SNTG1: variants seen among roughly 807,000 people sequenced by gnomAD.
SNTG1 encodes the protein gamma-1-syntrophin.
Under a neutral mutation model 74.7 loss-of-function variants are expected in SNTG1, and 39 were observed. The ratio of observed to expected loss-of-function variants is 0.52; its 90% CI spans 0.40 to 0.68. SNTG1 has a LOEUF of 0.68. Among genes scored for constraint, SNTG1 ranks in the 30% least tolerant of loss-of-function variants. The pLI is 0.00. For missense variants in SNTG1, 685 were observed against 609.5 expected (o/e 1.12, Z -1.30); for synonymous variants, 254 against 217.1 (o/e 1.17, Z -1.49).
At chr8:50,161,214 G>A (rs2082405837) in intron 1 of SNTG1, among the ~76,000 whole-genome samples, 1 of 152,154 alleles carries the variant, frequency 6.6e-6, no homozygotes, top group South Asian at 2.1e-4. Context: ...TTCAGCAGCA[G>A]CGCATAGAAC....
chr8:50,375,379 G>A (rs1260583466), intron 2 of SNTG1, among the ~76,000 whole-genome samples: 2 of 151,914 alleles, frequency 1.3e-5, no homozygotes, highest in Admixed American at 6.6e-5. Context: ...AGAGCCAAGA[G>A]TTTGTACATG....
intron 12 of SNTG1, among the ~76,000 whole-genome samples, chr8:50,572,378 C>T (rs938750487): frequency 6.6e-6 from 1 of 151,796 alleles, no homozygotes; most frequent in Admixed American, 6.6e-5. Flanking sequence ...TAAGTGATTG[C>T]GACCTACTTT....
chr8:50,339,983 A>T (rs1000268821), intron 2 of SNTG1, among the ~76,000 whole-genome samples: 2 of 151,992 alleles, frequency 1.3e-5, no homozygotes, highest in African/African-American at 2.4e-5. Context: ...AGAAACACAG[A>T]AAAAGAGAAG....
At chr8:50,684,632 A>G (rs2095344335) in intron 15 of SNTG1, among the ~76,000 whole-genome samples, 1 of 152,110 alleles carries the variant, frequency 6.6e-6, no homozygotes, top group Non-Finnish European at 1.5e-5. Flanking sequence ...ATTACATTCT[A>G]CATATGATCT....
rs577418929 is a variant in SNTG1 at position 49,990,854 on chromosome 8, A to G, written c.-103+78623A>G. 4.6e-5 allele frequency among the ~76,000 whole-genome samples: 7 copies of G among 152,304 alleles called. No homozygotes were observed. In the South Asian group the frequency reaches 1.0e-3, roughly 23 times the overall value. ...AAATATTATTCTTAGAAGAAAACAT[A>G]GAAGGAAGTCTTCATGATGGTGTGT... On this transcript the variant is annotated intron_variant, in intron 1 of 18. Transcript: ENST00000642720.
chr8:50,518,628 A>G (rs7814295), intron 9 of SNTG1, among the ~76,000 whole-genome samples: 31 of 152,072 alleles, frequency 2.0e-4, no homozygotes, highest in Admixed American at 2.0e-3. Context: ...AGATATCACC[A>G]CTGATCCCAC....
chr8:50,237,159 A>G (rs974091929), intron 2 of SNTG1, among the ~76,000 whole-genome samples: 3 of 151,592 alleles, frequency 2.0e-5, no homozygotes, highest in South Asian at 2.1e-4. Flanking sequence ...CTTGCAGTTC[A>G]TTTCTTGAAA....
At position 50,427,528 on chromosome 8, in the gene SNTG1, A is replaced by C. The variant is rs200927681; in HGVS notation, c.163-11015A>C. Among the ~76,000 whole-genome samples, 29 of 152,212 alleles carry C rather than the reference A, an allele frequency of 1.9e-4. No individual in the cohort carries two copies. In the East Asian group the frequency reaches 5.6e-3, roughly 29 times the overall value. ...ACCACAGCCTCAAACTATTTGGTTC[A>C]AGCTGTCCTGCCTCAGCCTCCCAAG... On this transcript the variant is annotated intron_variant, in intron 4 of 18. Coordinates refer to ENST00000642720, the MANE Select transcript of SNTG1 (RefSeq NM_018967.5).
intron 9 of SNTG1, among the ~76,000 whole-genome samples, chr8:50,523,267 C>T (rs1217019103): frequency 6.6e-6 from 1 of 152,118 alleles, no homozygotes; most frequent in African/African-American, 2.4e-5. Flanking sequence ...GATTGTTTTG[C>T]TTCAAAATGC....
At chr8:50,135,627 T>TAA (rs973491479) in intron 1 of SNTG1, among the ~76,000 whole-genome samples, 1 of 151,008 alleles carries the variant, frequency 6.6e-6, no homozygotes, top group East Asian at 1.9e-4. Context: ...CTTTCGTTTT[T>TAA]AAAAAAAAAA....
chr8:50,398,407 C>T (rs2131333316), intron 3 of SNTG1, among the ~76,000 whole-genome samples: 1 of 152,296 alleles, frequency 6.6e-6, no homozygotes, highest in African/African-American at 2.4e-5. Flanking sequence ...TGCATCATCA[C>T]GTGGCATGCA....
chr8:50,104,849 T>G (rs969706629), intron 1 of SNTG1, among the ~76,000 whole-genome samples: 21 of 152,264 alleles, frequency 1.4e-4, no homozygotes, highest in African/African-American at 5.1e-4. Flanking sequence ...TTGAGAAGTG[T>G]CTGTTCATGC....
chr8:50,132,667 G>T (rs997919620), intron 1 of SNTG1, among the ~76,000 whole-genome samples: 1 of 152,142 alleles, frequency 6.6e-6, no homozygotes, highest in Non-Finnish European at 1.5e-5. Context: ...GGCCCAAGTA[G>T]GTCCCATTGG....
chr8:50,750,912 C>CCTGTATATACCCT (rs2095565802), intron 17 of SNTG1, among the ~76,000 whole-genome samples: 1 of 151,702 alleles, frequency 6.6e-6, no homozygotes, highest in Non-Finnish European at 1.5e-5. Context: ...GTATATACCC[C>CCTGTATATACCCT]GAGGTATGCC....
At chr8:50,294,973 C>T (rs2089297219) in intron 2 of SNTG1, among the ~76,000 whole-genome samples, 2 of 152,158 alleles carry the variant, frequency 1.3e-5, no homozygotes, top group Admixed American at 1.3e-4. Flanking sequence ...ACATCTCTCT[C>T]TCAGTCAACA....
intron 12 of SNTG1, among the ~76,000 whole-genome samples, chr8:50,573,079 G>C (rs2094558050): frequency 6.6e-6 from 1 of 151,970 alleles, no homozygotes; most frequent in Admixed American, 6.6e-5. Context: ...AAACATATAA[G>C]ATCTTTGATT....
chr8:50,277,264 CA>C (rs11361478), intron 2 of SNTG1, among the ~76,000 whole-genome samples: 45,983 of 94,410 alleles, frequency 0.49, 7,691 homozygotes, highest in East Asian at 0.69. Context: ...AAGACCCTGC[CA>C]AAAAAAAAAA....
At chr8:50,385,318 C>A (rs1435947804) in intron 2 of SNTG1, among the ~76,000 whole-genome samples, 1 of 152,146 alleles carries the variant, frequency 6.6e-6, no homozygotes, top group Non-Finnish European at 1.5e-5. Context: ...CTCAAATAGG[C>A]CTCCTAGGCA....
chr8:50,728,394 C>T (rs575598161), intron 17 of SNTG1, among the ~76,000 whole-genome samples: 2 of 152,216 alleles, frequency 1.3e-5, no homozygotes, highest in Admixed American at 6.5e-5. Context: ...TACAAAGACT[C>T]CTGCAAAAAT....
Sources: allele counts gnomAD v4.1 joint callset (sites outside exome capture counted in the v4.1 genomes callset), GRCh38; gene constraint gnomAD v4.1.1; transcripts MANE v1.5; gene names NCBI Gene and HGNC (gene_info 2026-07-23, HGNC 2026-07-21).